The following SLC38A6 variants were observed in gnomAD, a reference collection of about 807,000 sequenced individuals.
The protein encoded by SLC38A6 is N system amino acid transporter NAT-1.
In SLC38A6, 73 loss-of-function variants were observed where a neutral mutation model predicts 65.0. That is an observed-to-expected ratio of 1.12 (90% CI 0.93 to 1.37). SLC38A6 has a LOEUF of 1.37. Ranked by LOEUF, SLC38A6 falls within the 40% of genes most tolerant of loss-of-function variation. The probability of loss-of-function intolerance (pLI) is 0.00; values close to 1 mark genes in which losing one functional copy is unlikely to be tolerated. For synonymous variants in SLC38A6, 183 were observed against 178.8 expected, an observed-to-expected ratio of 1.02 and a Z score of -0.19; for missense variants, 561 against 531.1, an observed-to-expected ratio of 1.06 and a Z score of -0.55.
chr14:61,015,795 T>A (rs1474561977), intron 3 of SLC38A6, 109 bp from the exon 4 acceptor site: 1 of 715,646 alleles, frequency 1.4e-6, no homozygotes, highest in Admixed American at 3.1e-5. Context: ...TTGGCCTGGA[T>A]CATAAGAATT....
chr14:61,002,630 T>A (rs1340714707), intron 3 of SLC38A6, among the ~76,000 whole-genome samples: 1 of 152,152 alleles, frequency 6.6e-6, no homozygotes, highest in Non-Finnish European at 1.5e-5. Context: ...TCTAAACGAT[T>A]CCTGTGGAGG....
intron 3 of SLC38A6, among the ~76,000 whole-genome samples, chr14:60,996,297 T>G (rs559544788): frequency 1.3e-5 from 2 of 152,264 alleles, no homozygotes; most frequent in African/African-American, 2.4e-5. Context: ...TTAATAACTT[T>G]AGAGAACTAA....
intron 3 of SLC38A6, among the ~76,000 whole-genome samples, chr14:61,015,273 C>T (rs145262709): frequency 0.012 from 1,888 of 152,230 alleles, 40 homozygotes; most frequent in African/African-American, 0.043. Context: ...TTCCAGGTGC[C>T]GGCTGTCATC....
chr14:61,045,659 G>A lies in SLC38A6; in HGVS notation c.824+234G>A, dbSNP rs538527820. Reference sequence around the variant, plus strand: ...AGCACTTTGGGAGGCCGAGGCAGGCGGGTCACCTGAGGTCAGGAGTTCAAG... The same window carrying A: ...AGCACTTTGGGAGGCCGAGGCAGGCAGGTCACCTGAGGTCAGGAGTTCAAG... On this transcript the variant is annotated intron_variant, in intron 11 of 15. Transcript: ENST00000267488. Among the ~76,000 whole-genome samples, 31 of 152,160 alleles carry A rather than the reference G, an allele frequency of 2.0e-4. No individual in the cohort carries two copies. In the East Asian group the frequency reaches 4.6e-3, roughly 23 times the overall value.
chr14:61,066,986 T>G, intron 15 of SLC38A6, among the ~76,000 whole-genome samples: 1 of 152,204 alleles, frequency 6.6e-6, no homozygotes, highest in East Asian at 1.9e-4. Context: ...AAGACATACA[T>G]ACATCTTGCT....
chr14:61,064,604 G>T (rs1187368888), intron 15 of SLC38A6, among the ~76,000 whole-genome samples: 2 of 147,966 alleles, frequency 1.4e-5, no homozygotes, highest in Non-Finnish European at 3.0e-5. Flanking sequence ...CTTTCTCTGT[G>T]CATTTAGATG....
intron 15 of SLC38A6, among the ~76,000 whole-genome samples, chr14:61,063,813 C>T (rs1278610210): frequency 1.3e-5 from 2 of 152,192 alleles, no homozygotes; most frequent in African/African-American, 2.4e-5. Flanking sequence ...TACGTAACCT[C>T]TATAAGCCTC....
chr14:61,000,778 A>G (rs953256080), intron 3 of SLC38A6, among the ~76,000 whole-genome samples: 2 of 152,206 alleles, frequency 1.3e-5, no homozygotes, highest in East Asian at 3.9e-4. Context: ...TGGGTATCTT[A>G]TGAAGGACAT....
intron 3 of SLC38A6, among the ~76,000 whole-genome samples, chr14:61,006,098 A>T (rs2039091778): frequency 6.6e-6 from 1 of 152,192 alleles, no homozygotes; most frequent in Admixed American, 6.5e-5. Flanking sequence ...TATTTAATAA[A>T]TGGTGCTGGG....
intron 5 of SLC38A6, among the ~76,000 whole-genome samples, chr14:61,020,397 A>C (rs1036954131): frequency 3.2e-4 from 49 of 152,138 alleles, no homozygotes; most frequent in African/African-American, 1.2e-3. Flanking sequence ...TATTTTTTAC[A>C]TGTAACAGTT....
chr14:61,004,952 A>G lies in SLC38A6; in HGVS notation c.311-10952A>G, dbSNP rs1330488719. Among the ~76,000 whole-genome samples the G allele has an allele frequency of 2.6e-5, 4 of 152,162 alleles. No individual in the cohort carries two copies. In the South Asian group the frequency reaches 6.2e-4, roughly 24 times the overall value. On this transcript the variant is annotated intron_variant, in intron 3 of 15. Transcript: ENST00000267488. ...AAAAATCCTCAATAAAATACTGGCA[A>G]ACTGAATCCAGCAGCACATCAAAAA...
At chr14:60,995,711 T>C (rs2038241583) in intron 3 of SLC38A6, among the ~76,000 whole-genome samples, 2 of 152,194 alleles carry the variant, frequency 1.3e-5, no homozygotes, top group African/African-American at 4.8e-5. Context: ...CTAGTAATCA[T>C]TTCTCTGTGT....
At chr14:61,067,716 T>C (rs1952396) in intron 15 of SLC38A6, among the ~76,000 whole-genome samples, 9,791 of 147,322 alleles carry the variant, frequency 0.066, 422 homozygotes, top group Middle Eastern at 0.14. Flanking sequence ...CACACACACA[T>C]ATATATATAT....
rs141335273 is a variant in SLC38A6 at position 60,981,790 on chromosome 14, A to G, written c.105+408A>G. 1.2e-3 allele frequency: 1,392 copies of G among 1,164,216 alleles called. 21 individuals are homozygous for G. In the African/African-American group the frequency reaches 0.019, roughly 16 times the overall value. 72.1% of individuals were successfully genotyped at this position (1,164,216 alleles called of 1,614,324 possible). The stretch of plus-strand genomic sequence containing the variant: ...TCCGACTTAGTCATGGGGGGAGGGA[A>G]AATAATAAACATTTTAATACAGAAA... On this transcript the variant is annotated intron_variant, in intron 1 of 15. Coordinates refer to ENST00000267488, the MANE Select transcript of SLC38A6 (RefSeq NM_153811.3).
chr14:61,015,466 G>A (rs994397386), intron 3 of SLC38A6, among the ~76,000 whole-genome samples: 5 of 152,140 alleles, frequency 3.3e-5, no homozygotes, highest in Non-Finnish European at 7.3e-5. Flanking sequence ...CCCATCTTCT[G>A]TGTCCGGAAA....
intron 15 of SLC38A6, among the ~76,000 whole-genome samples, chr14:61,074,536 C>A (rs1466787208): frequency 6.6e-6 from 1 of 152,108 alleles, no homozygotes; most frequent in African/African-American, 2.4e-5. Context: ...TTATGAGGGT[C>A]TCACCCTCAT....
rs78082615 is a variant in SLC38A6 at position 60,997,573 on chromosome 14, G to A, written c.310+12770G>A. ...AAAGGGATTGTCTTTCTCATTTGTC[G>A]GTCTAACTCTTAATTTGTGTTAACA... On this transcript the variant is annotated intron_variant, in intron 3 of 15. Coordinates refer to ENST00000267488, the MANE Select transcript of SLC38A6 (RefSeq NM_153811.3). Among the ~76,000 whole-genome samples, 599 of 152,226 alleles carry A rather than the reference G, an allele frequency of 3.9e-3. 12 individuals are homozygous for A. In the East Asian group the frequency reaches 0.071, roughly 18 times the overall value.
chr14:60,990,794 C>T (rs890850839), intron 3 of SLC38A6, among the ~76,000 whole-genome samples: 13 of 152,086 alleles, frequency 8.5e-5, no homozygotes, highest in African/African-American at 3.1e-4. Context: ...ACCTAACTAA[C>T]CTCAGCCTCC....
chr14:61,020,724 A>G (rs962202104), intron 5 of SLC38A6, among the ~76,000 whole-genome samples: 1 of 152,158 alleles, frequency 6.6e-6, no homozygotes, highest in South Asian at 2.1e-4. Context: ...TGAATTTATT[A>G]TAGTCATTGA....
Sources: gnomAD v4.1 joint callset for allele counts (sites outside exome capture counted in the v4.1 genomes callset) on GRCh38, gnomAD v4.1.1 for gene constraint, MANE v1.5 for transcripts, NCBI Gene and HGNC (gene_info 2026-07-23, HGNC 2026-07-21) for gene names.